The following SLC8B1 variants were observed in gnomAD, a reference collection of about 807,000 sequenced individuals.
The protein encoded by SLC8B1 is mitochondrial sodium/calcium exchanger protein.
SLC8B1 carries 52 observed loss-of-function variants against 63.4 expected under a neutral mutation model. The ratio of observed to expected loss-of-function variants is 0.82; its 90% CI spans 0.66 to 1.03. SLC8B1 has a LOEUF of 1.03. Ranked by LOEUF, SLC8B1 falls within the 50% of genes least tolerant of loss-of-function variation. The probability of loss-of-function intolerance (pLI) is 0.00; values close to 1 mark genes in which losing one functional copy is unlikely to be tolerated. For missense variants in SLC8B1, 657 were observed against 741.7 expected, an observed-to-expected ratio of 0.89 and a Z score of 1.33; for synonymous variants, 336 against 323.9, an observed-to-expected ratio of 1.04 and a Z score of -0.40.
rs774430949 is a variant in SLC8B1, at chr12:113,321,365, A to G, written c.157-17T>C. 6.2e-7 allele frequency: 1 copy of G among 1,613,960 alleles called. No homozygotes were observed. Among genetic ancestry groups the G allele is most frequent in the African/African-American group, 1.3e-5 (1 of 74,922 alleles). On this transcript the variant is annotated splice_polypyrimidine_tract_variant and intron_variant, in intron 2 of 15. Transcript: ENST00000680972. Reference sequence around the variant, plus strand: ...CTTGCGGCACTGCAGGAAGACAGGGAGGGGGACATCAGCGGCAGAGACTTC... The same window carrying G: ...CTTGCGGCACTGCAGGAAGACAGGGGGGGGGACATCAGCGGCAGAGACTTC...
At position 113,316,615 on chromosome 12, in the gene SLC8B1, C is replaced by G; in HGVS notation, c.904G>C (p.Ala302Pro). 4.3e-6 allele frequency: 7 copies of G among 1,614,136 alleles called. No homozygotes were observed. Among genetic ancestry groups the G allele is most frequent in the Non-Finnish European group, 5.9e-6 (7 of 1,180,026 alleles). The change falls in exon 10 of 16, where the codon GCT becomes CCT. Residue 302 changes from alanine to proline, a missense_variant. Transcript: ENST00000680972. ...RPLFFYQETT[A>P]QILVRALNPL... ...TTGAGGGCCCGGACCAGGATCTGAG[C>G]CGTGGTCTCCTGGTAGAAGAACAGC...
chr12:113,332,615 T>C (rs1957070816), intron 2 of SLC8B1, 108 bp downstream of exon 2: 2 of 1,315,998 alleles, frequency 1.5e-6, no homozygotes, highest in Admixed American at 5.5e-5. Context: ...TTCCCCGGTA[T>C]ATCCCAGGCT....
chr12:113,335,081 T>G lies in SLC8B1; in HGVS notation c.-721A>C, dbSNP rs1957111574. 6.6e-6 allele frequency: 1 copy of G among 152,552 alleles called. No homozygotes were observed. 9.4% of individuals were successfully genotyped at this position (152,552 alleles called of 1,614,324 possible). On this transcript the variant is annotated 5_prime_UTR_variant, in exon 1 of 16. Coordinates refer to ENST00000680972, the MANE Select transcript of SLC8B1 (RefSeq NM_001358345.2). ...AGGTCCCTGGCCGCCGGACCGACCTTGCGCCAGCGAAGCCGCCAGTCCGGG... is the reference window on the plus strand; with the variant it reads ...AGGTCCCTGGCCGCCGGACCGACCTGGCGCCAGCGAAGCCGCCAGTCCGGG...
At position 113,304,078 on chromosome 12, in the gene SLC8B1, A is replaced by G. The variant is rs139424341; in HGVS notation, c.1557+243T>C. ...GTATTTTTAGTAGAGATGGGGTTTCACCACGTTGGCCAGGCTGGTCTCGAA... is the reference window on the plus strand; with the variant it reads ...GTATTTTTAGTAGAGATGGGGTTTCGCCACGTTGGCCAGGCTGGTCTCGAA... On this transcript the variant is annotated intron_variant, in intron 15 of 15. Coordinates refer to ENST00000680972, the MANE Select transcript of SLC8B1 (RefSeq NM_001358345.2). 2.8e-3 allele frequency among the ~76,000 whole-genome samples: 428 copies of G among 152,144 alleles called. 2 individuals are homozygous for G. Among genetic ancestry groups the G allele is most frequent in the African/African-American group, 9.5e-3 (393 of 41,500 alleles).
chr12:113,318,232 ATT>A (rs1333000917), intron 8 of SLC8B1, among the ~76,000 whole-genome samples: 4 of 149,602 alleles, frequency 2.7e-5, no homozygotes, highest in Admixed American at 6.6e-5. Context: ...GTATGTACAC[ATT>A]TGTGTGTGTG....
chr12:113,328,127 G>A (rs1450818637), intron 2 of SLC8B1, among the ~76,000 whole-genome samples: 1 of 152,150 alleles, frequency 6.6e-6, no homozygotes, highest in African/African-American at 2.4e-5. Context: ...CAACCACTCA[G>A]GCTCAAGCAG....
intron 2 of SLC8B1, among the ~76,000 whole-genome samples, chr12:113,325,354 T>C (rs1397026853): frequency 1.3e-5 from 2 of 152,142 alleles, no homozygotes; most frequent in African/African-American, 4.8e-5. Context: ...CCTGGGCGCA[T>C]GTGATCCTCC....
At chr12:113,318,445 GTA>G (rs1222057139) in intron 8 of SLC8B1, among the ~76,000 whole-genome samples, 3 of 151,082 alleles carry the variant, frequency 2.0e-5, no homozygotes, top group Non-Finnish European at 4.4e-5. Context: ...ACACGTATGT[GTA>G]TGTGTTGTAT....
At chr12:113,317,830 G>A (rs1566235679) in intron 8 of SLC8B1, among the ~76,000 whole-genome samples, 1 of 152,002 alleles carries the variant, frequency 6.6e-6, no homozygotes. Context: ...TGTGTGTATT[G>A]TGTATGTGAG....
At chr12:113,306,757 T>G in intron 13 of SLC8B1, 182 bp from the exon 14 acceptor site, 1 of 584,276 alleles carries the variant, frequency 1.7e-6, no homozygotes. Flanking sequence ...AAGACACACT[T>G]CCCTCCTTAA....
intron 15 of SLC8B1, among the ~76,000 whole-genome samples, chr12:113,301,415 C>A (rs1455902777): frequency 6.8e-6 from 1 of 147,924 alleles, no homozygotes; most frequent in East Asian, 2.0e-4. Context: ...CAGCTCACAG[C>A]AACCTCTACC....
chr12:113,326,956 A>G (rs1957003981), intron 2 of SLC8B1, among the ~76,000 whole-genome samples: 1 of 152,148 alleles, frequency 6.6e-6, no homozygotes, highest in Non-Finnish European at 1.5e-5. Flanking sequence ...ATGCAGATGC[A>G]AGTCTCAAGT....
chr12:113,306,066 C>CAAAAAAAAAAAAAAAAAAAAAAAAA (rs60824560), intron 14 of SLC8B1, among the ~76,000 whole-genome samples: 1 of 18,088 alleles, frequency 5.5e-5, no homozygotes, highest in Non-Finnish European at 1.2e-4. Flanking sequence ...CCCCACCCTG[C>CAAAAAAAAAAAAAAAAAAAAAAAAA]AAAAAAAAAA....
chr12:113,300,437 C>T (rs753106500), intron 15 of SLC8B1, among the ~76,000 whole-genome samples: 1 of 152,206 alleles, frequency 6.6e-6, no homozygotes, highest in South Asian at 2.1e-4. Flanking sequence ...AAGCCGACAT[C>T]GTGCTACTGC....
intron 9 of SLC8B1, 72 bp downstream of exon 9, chr12:113,316,870 A>G: frequency 6.5e-7 from 1 of 1,545,734 alleles, no homozygotes. Flanking sequence ...CAGGTCTTGG[A>G]GGGCCCCATC....
chr12:113,301,907 G>A (rs1347884715), intron 15 of SLC8B1, among the ~76,000 whole-genome samples: 1 of 152,154 alleles, frequency 6.6e-6, no homozygotes, highest in African/African-American at 2.4e-5. Context: ...TGAAGGAGGG[G>A]ATGGATGAAT....
At chr12:113,316,913 C>T (rs1419160643) in intron 9 of SLC8B1, 29 bp downstream of exon 9, 2 of 1,610,330 alleles carry the variant, frequency 1.2e-6, no homozygotes, top group Non-Finnish European at 8.5e-7. Flanking sequence ...GTTACCGCCA[C>T]CCTGGCTGGG....
chr12:113,310,100 T>G, intron 12 of SLC8B1, 134 bp downstream of exon 12: 1 of 1,239,936 alleles, frequency 8.1e-7, no homozygotes. Flanking sequence ...AAAAGCAGCT[T>G]TAAAGTTCGG....
chr12:113,312,802 G>A (rs944288579), intron 11 of SLC8B1, among the ~76,000 whole-genome samples: 1 of 152,182 alleles, frequency 6.6e-6, no homozygotes, highest in Non-Finnish European at 1.5e-5. Flanking sequence ...TTTCCATTTG[G>A]TGCTAATAGG....
Sources: allele counts gnomAD v4.1 joint callset (sites outside exome capture counted in the v4.1 genomes callset), GRCh38; gene constraint gnomAD v4.1.1; transcripts MANE v1.5; gene names NCBI Gene and HGNC (gene_info 2026-07-23, HGNC 2026-07-21).